Variants in ATRNL1 observed in about 807,000 individuals in gnomAD.
ATRNL1 encodes the protein attractin-like protein 1.
In ATRNL1, 95 loss-of-function variants were observed where a neutral mutation model predicts 182.7. The ratio of observed to expected loss-of-function variants is 0.52; its 90% confidence interval spans 0.44 to 0.62. ATRNL1 has a LOEUF of 0.62. ATRNL1 is among the 20% of genes least tolerant of loss of function. The pLI is 0.00. For synonymous variants in ATRNL1, 576 were observed against 568.3 expected (o/e 1.01, Z -0.19); for missense variants, 1,471 against 1,679.5 (o/e 0.88, Z 2.17).
chr10:115,616,586 A>G (rs1555020855), intron 26 of ATRNL1, among the ~76,000 whole-genome samples: 1 of 152,198 alleles, frequency 6.6e-6, no homozygotes, highest in African/African-American at 2.4e-5. Context: ...CCAGAGGCCT[A>G]AGAGGAAAGA....
chr10:115,202,934 T>G (rs1298269471), intron 8 of ATRNL1, among the ~76,000 whole-genome samples: 3 of 150,260 alleles, frequency 2.0e-5, no homozygotes, highest in Non-Finnish European at 4.4e-5. Flanking sequence ...TATTCAGAGA[T>G]TCAACTTCTT....
chr10:115,684,885 T>C (rs1489460947), intron 26 of ATRNL1, among the ~76,000 whole-genome samples: 3 of 151,772 alleles, frequency 2.0e-5, no homozygotes, highest in African/African-American at 7.2e-5. Flanking sequence ...GTCTTCCTCC[T>C]CATTTTTATG....
chr10:115,570,420 C>A (rs1247100708), intron 26 of ATRNL1, among the ~76,000 whole-genome samples: 1 of 152,188 alleles, frequency 6.6e-6, no homozygotes, highest in African/African-American at 2.4e-5. Context: ...CTGACCATAG[C>A]AAACATGAAG....
intron 26 of ATRNL1, among the ~76,000 whole-genome samples, chr10:115,634,061 G>A (rs11197364): frequency 7.2e-5 from 11 of 152,104 alleles, no homozygotes; most frequent in Admixed American, 5.2e-4. Flanking sequence ...AAAAATAAGT[G>A]TTATATGTAA....
At chr10:115,706,549 CAG>C (rs1555053119) in intron 26 of ATRNL1, among the ~76,000 whole-genome samples, 3 of 151,878 alleles carry the variant, frequency 2.0e-5, no homozygotes, top group Non-Finnish European at 4.4e-5. Context: ...TTATCTGCCA[CAG>C]CTTTAATTTC....
chr10:115,324,013 G>A (rs1370117383), intron 18 of ATRNL1, among the ~76,000 whole-genome samples: 3 of 147,700 alleles, frequency 2.0e-5, no homozygotes, highest in South Asian at 2.2e-4. Context: ...TCCTGACCTC[G>A]TGATCTGCCC....
At chr10:115,804,997 G>T (rs1949886790) in intron 27 of ATRNL1, among the ~76,000 whole-genome samples, 1 of 152,154 alleles carries the variant, frequency 6.6e-6, no homozygotes. Flanking sequence ...TGCTACATTT[G>T]TGTATTGAGT....
chr10:115,896,097 T>C (rs1952200592), intron 28 of ATRNL1, among the ~76,000 whole-genome samples: 1 of 152,216 alleles, frequency 6.6e-6, no homozygotes, highest in African/African-American at 2.4e-5. Flanking sequence ...TCAAACCATG[T>C]TTGTAAAATT....
chr10:115,848,717 A>G lies in ATRNL1; in HGVS notation c.4018+726A>G, dbSNP rs1023934242. 7.2e-5 allele frequency among the ~76,000 whole-genome samples: 11 copies of G among 152,110 alleles called. No homozygotes were observed. In the East Asian group the frequency reaches 2.1e-3, roughly 29 times the overall value. On this transcript the variant is annotated intron_variant, in intron 28 of 28. Coordinates refer to ENST00000355044, the MANE Select transcript of ATRNL1 (RefSeq NM_207303.4). Reference sequence around the variant, plus strand: ...AAATCATACTTAAATTACAGACCACACTTTTTTCTCTCTTTTTGCATATAC... The same window carrying G: ...AAATCATACTTAAATTACAGACCACGCTTTTTTCTCTCTTTTTGCATATAC...
chr10:115,477,500 A>C (rs1435848075), intron 24 of ATRNL1, among the ~76,000 whole-genome samples: 1 of 151,570 alleles, frequency 6.6e-6, no homozygotes, highest in African/African-American at 2.4e-5. Context: ...GAATGAGTCC[A>C]ACTGGCAAAT....
chr10:115,825,094 C>T (rs1201359447), intron 27 of ATRNL1, among the ~76,000 whole-genome samples: 1 of 152,152 alleles, frequency 6.6e-6, no homozygotes, highest in Non-Finnish European at 1.5e-5. Context: ...TTTGCAGGGA[C>T]ATGGATGAAG....
At chr10:115,788,527 G>A (rs1809493045) in intron 27 of ATRNL1, among the ~76,000 whole-genome samples, 1 of 152,080 alleles carries the variant, frequency 6.6e-6, no homozygotes, top group African/African-American at 2.4e-5. Flanking sequence ...TATATTTCTA[G>A]TTGCCTACTT....
At chr10:115,507,006 A>T (rs1554981493) in intron 24 of ATRNL1, among the ~76,000 whole-genome samples, 1 of 152,098 alleles carries the variant, frequency 6.6e-6, no homozygotes, top group Non-Finnish European at 1.5e-5. Flanking sequence ...TTAGTTTTAT[A>T]CATTTTAGGG....
At chr10:115,925,934 T>G (rs545806531) in intron 28 of ATRNL1, among the ~76,000 whole-genome samples, 1 of 152,282 alleles carries the variant, frequency 6.6e-6, no homozygotes, top group African/African-American at 2.4e-5. Flanking sequence ...TACAGAACTC[T>G]CCACCCCAAA....
intron 19 of ATRNL1, among the ~76,000 whole-genome samples, chr10:115,371,202 C>T (rs1330078969): frequency 6.6e-6 from 1 of 152,316 alleles, no homozygotes; most frequent in African/African-American, 2.4e-5. Context: ...TCATGGAGAA[C>T]CTCTGCTGGG....
At chr10:115,809,762 T>G (rs1270826258) in intron 27 of ATRNL1, among the ~76,000 whole-genome samples, 3 of 151,988 alleles carry the variant, frequency 2.0e-5, no homozygotes, top group Admixed American at 1.3e-4. Flanking sequence ...TAGTTCTTCC[T>G]TTTTCATCTG....
intron 19 of ATRNL1, among the ~76,000 whole-genome samples, chr10:115,382,237 G>T (rs1258236922): frequency 6.6e-6 from 1 of 152,046 alleles, no homozygotes; most frequent in African/African-American, 2.4e-5. Flanking sequence ...AAAGAAGACA[G>T]CTCAGATTCT....
chr10:115,617,425 T>C (rs187609581), intron 26 of ATRNL1, among the ~76,000 whole-genome samples: 20 of 152,234 alleles, frequency 1.3e-4, no homozygotes, highest in African/African-American at 3.9e-4. Flanking sequence ...AGTGGTGCAA[T>C]TGCGGCTCAC....
rs570384546 is a variant in ATRNL1, at chr10:115,482,185, G to A, written c.3654+12856G>A. On this transcript the variant is annotated intron_variant, in intron 24 of 28. Coordinates refer to ENST00000355044, the MANE Select transcript of ATRNL1 (RefSeq NM_207303.4). ...CTCGTGTTTCATATTGTTATATAATGTTACTAGAATCACTAAATAAATATT... is the reference window on the plus strand; with the variant it reads ...CTCGTGTTTCATATTGTTATATAATATTACTAGAATCACTAAATAAATATT... Among the ~76,000 whole-genome samples, 8 of 151,052 alleles carry A rather than the reference G, an allele frequency of 5.3e-5. No homozygotes were observed. In the South Asian group the frequency reaches 1.7e-3, roughly 31 times the overall value.
Sources: gnomAD v4.1 joint callset for allele counts (sites outside exome capture counted in the v4.1 genomes callset) on GRCh38, gnomAD v4.1.1 for gene constraint, MANE v1.5 for transcripts, NCBI Gene and HGNC (gene_info 2026-07-23, HGNC 2026-07-21) for gene names.